The following ZBTB20 variants were observed in gnomAD, a reference collection of about 807,000 sequenced individuals.
ZBTB20 encodes zinc finger and BTB domain-containing protein 20.
In ZBTB20, 9 loss-of-function variants were observed where a neutral mutation model predicts 56.9. That is an observed-to-expected ratio of 0.16 (90% CI 0.10 to 0.28). The LOEUF (loss-of-function observed/expected upper bound fraction) is 0.28, where lower values mean the gene tolerates loss of function less well. Among genes scored for constraint, ZBTB20 ranks in the 10% least tolerant of loss-of-function variants. The pLI is 1.00. For missense variants in ZBTB20, 655 were observed against 1,003.0 expected (o/e 0.65, Z 4.69); for synonymous variants, 417 against 420.7 (o/e 0.99, Z 0.11).
chr3:114,370,219 G>A (rs1484995133), intron 10 of ZBTB20, among the ~76,000 whole-genome samples: 1 of 152,094 alleles, frequency 6.6e-6, no homozygotes, highest in African/African-American at 2.4e-5. Flanking sequence ...AATGGGCTAG[G>A]AACTCTTGTA....
At chr3:115,138,823 T>C (rs536573955) in intron 1 of ZBTB20, among the ~76,000 whole-genome samples, 147 of 152,178 alleles carry the variant, frequency 9.7e-4, no homozygotes, top group African/African-American at 3.3e-3. Flanking sequence ...TCCTGTTTAA[T>C]ACAAGGATAG....
At chr3:114,529,549 C>CATTT (rs2047604178) in intron 6 of ZBTB20, 1 of 152,150 alleles carries the variant, frequency 6.6e-6, no homozygotes, top group African/African-American at 2.4e-5. Context: ...GAGGATAGTA[C>CATTT]ATTTGTTTCA....
At chr3:114,796,127 C>T (rs1489012072) in intron 5 of ZBTB20, among the ~76,000 whole-genome samples, 1 of 151,914 alleles carries the variant, frequency 6.6e-6, no homozygotes, top group Non-Finnish European at 1.5e-5. Flanking sequence ...ATCAAGTTGT[C>T]AGCAGGGTCA....
intron 7 of ZBTB20, among the ~76,000 whole-genome samples, chr3:114,428,960 C>T (rs953863910): frequency 1.3e-5 from 2 of 150,526 alleles, no homozygotes; most frequent in Non-Finnish European, 3.0e-5. Context: ...GAATTGGGTC[C>T]TTCAAGGCCT....
At chr3:114,892,777 G>C (rs1266778067) in intron 4 of ZBTB20, among the ~76,000 whole-genome samples, 1 of 152,178 alleles carries the variant, frequency 6.6e-6, no homozygotes, top group Non-Finnish European at 1.5e-5. Flanking sequence ...GAGATCCATA[G>C]GTTGCAAGGA....
intron 2 of ZBTB20, among the ~76,000 whole-genome samples, chr3:115,052,691 T>G (rs895528966): frequency 3.3e-5 from 5 of 152,146 alleles, no homozygotes; most frequent in African/African-American, 1.2e-4. Context: ...TGAGCTAATT[T>G]AAGAAATCAT....
intron 8 of ZBTB20, chr3:114,383,585 C>A (rs757234314): frequency 6.6e-6 from 1 of 152,072 alleles, no homozygotes; most frequent in Non-Finnish European, 1.5e-5. Flanking sequence ...TTTGGCTCAC[C>A]CCCTTATTTG....
chr3:114,604,740 C>T (rs1352228457), intron 6 of ZBTB20, among the ~76,000 whole-genome samples: 2 of 151,950 alleles, frequency 1.3e-5, no homozygotes, highest in African/African-American at 4.8e-5. Context: ...CAGGTTCTTC[C>T]CTTTGACTTT....
intron 5 of ZBTB20, among the ~76,000 whole-genome samples, chr3:114,750,202 A>T (rs1015010472): frequency 6.6e-6 from 1 of 152,180 alleles, no homozygotes; most frequent in Admixed American, 6.5e-5. Context: ...CATTTAAAAA[A>T]CCAGTTTTTA....
At chr3:114,587,295 C>A (rs1308026095) in intron 6 of ZBTB20, among the ~76,000 whole-genome samples, 1 of 152,070 alleles carries the variant, frequency 6.6e-6, no homozygotes, top group African/African-American at 2.4e-5. Flanking sequence ...CCGTGCCTGG[C>A]CCAATTCTAG....
intron 2 of ZBTB20, among the ~76,000 whole-genome samples, chr3:115,070,035 T>C (rs1264610713): frequency 1.3e-5 from 2 of 152,140 alleles, no homozygotes; most frequent in Admixed American, 1.3e-4. Context: ...ACTCTTGATC[T>C]GCTATATAAA....
intron 7 of ZBTB20, among the ~76,000 whole-genome samples, chr3:114,448,445 G>A (rs1267997137): frequency 1.3e-5 from 2 of 151,964 alleles, no homozygotes; most frequent in Non-Finnish European, 2.9e-5. Context: ...GTGACGGGTG[G>A]TACAGTGAGG....
chr3:114,471,995 C>G (rs2040185051), intron 7 of ZBTB20, among the ~76,000 whole-genome samples: 1 of 152,104 alleles, frequency 6.6e-6, no homozygotes, highest in South Asian at 2.1e-4. Context: ...GATAGTGACA[C>G]AAGCAAGGAT....
chr3:114,499,076 G>A (rs2043633441), intron 7 of ZBTB20, among the ~76,000 whole-genome samples: 1 of 152,186 alleles, frequency 6.6e-6, no homozygotes, highest in Non-Finnish European at 1.5e-5. Flanking sequence ...GTAACTGAGG[G>A]GAGGGCTGTG....
intron 3 of ZBTB20, chr3:114,931,327 C>T (rs919020993): frequency 9.6e-6 from 2 of 208,538 alleles, no homozygotes; most frequent in Admixed American, 5.7e-5. Context: ...ACCTCAACAT[C>T]GGTGCTGCTA....
At chr3:114,472,979 G>T (rs957128181) in intron 7 of ZBTB20, among the ~76,000 whole-genome samples, 3 of 152,196 alleles carry the variant, frequency 2.0e-5, no homozygotes, top group African/African-American at 7.2e-5. Flanking sequence ...CTAAACCTGT[G>T]CTGAGTCTGC....
chr3:114,882,633 A>G (rs2076440584), intron 4 of ZBTB20, among the ~76,000 whole-genome samples: 1 of 152,088 alleles, frequency 6.6e-6, no homozygotes, highest in Non-Finnish European at 1.5e-5. Context: ...ATACCAAAAT[A>G]TAAACACTAT....
chr3:114,601,760 C>T (rs756293350), intron 6 of ZBTB20, among the ~76,000 whole-genome samples: 12 of 151,726 alleles, frequency 7.9e-5, no homozygotes, highest in Non-Finnish European at 1.0e-4. Context: ...GAAATCATTT[C>T]GAGCAGAATA....
chr3:114,482,485 G>A (rs1011939643), intron 7 of ZBTB20, among the ~76,000 whole-genome samples: 1 of 152,196 alleles, frequency 6.6e-6, no homozygotes, highest in African/African-American at 2.4e-5. Context: ...TAATGGGTCA[G>A]TCACTCTTAA....
Sources: allele counts gnomAD v4.1 joint callset (sites outside exome capture counted in the v4.1 genomes callset), GRCh38; gene constraint gnomAD v4.1.1; transcripts MANE v1.5; gene names NCBI Gene and HGNC (gene_info 2026-07-23, HGNC 2026-07-21).